The following DENND1A variants were observed in gnomAD, a reference collection of about 807,000 sequenced individuals.
DENND1A encodes DENN domain containing 1A.
A neutral mutation model predicts 113.7 loss-of-function variants in DENND1A; 51 were observed. That is an observed-to-expected ratio of 0.45 (90% confidence interval 0.36 to 0.57). DENND1A has a LOEUF of 0.57. Ranked by LOEUF, DENND1A falls within the 20% of genes least tolerant of loss-of-function variation. The pLI, the probability that DENND1A is intolerant of heterozygous loss-of-function variation, is 0.00. For synonymous variants in DENND1A, 565 were observed against 570.8 expected (o/e 0.99, Z 0.14); for missense variants, 1,258 against 1,395.9 (o/e 0.90, Z 1.57).
intron 21 of DENND1A, 135 bp downstream of exon 21, chr9:123,403,266 GA>G (rs2043644766): frequency 1.3e-6 from 1 of 791,614 alleles, no homozygotes; most frequent in Non-Finnish European, 2.1e-6. Context: ...TTCCCTGAAT[GA>G]CCCCTTTGTG....
chr9:123,629,684 G>A (rs2138581909), intron 10 of DENND1A, among the ~76,000 whole-genome samples: 1 of 152,306 alleles, frequency 6.6e-6, no homozygotes, highest in African/African-American at 2.4e-5. Context: ...ACTAAAGTCT[G>A]TTTCACTGAA....
At chr9:123,861,190 T>C (rs1176481555) in intron 2 of DENND1A, among the ~76,000 whole-genome samples, 1 of 152,178 alleles carries the variant, frequency 6.6e-6, no homozygotes, top group Non-Finnish European at 1.5e-5. Context: ...CCAGTGCTTA[T>C]AAGGCCTATT....
chr9:123,830,811 A>C (rs1475265673), intron 2 of DENND1A, among the ~76,000 whole-genome samples: 2 of 139,040 alleles, frequency 1.4e-5, no homozygotes, highest in Non-Finnish European at 3.1e-5. Flanking sequence ...GGTTGCAGCG[A>C]GCCGAGATCA....
intron 2 of DENND1A, chr9:123,843,284 T>C: frequency 2.3e-6 from 1 of 434,062 alleles, no homozygotes; most frequent in Admixed American, 3.0e-5. Context: ...TTTGAAATGC[T>C]GTATCTACCT....
chr9:123,611,194 T>C (rs2060403510), intron 10 of DENND1A, among the ~76,000 whole-genome samples: 3 of 152,362 alleles, frequency 2.0e-5, no homozygotes, highest in African/African-American at 7.2e-5. Flanking sequence ...TTCTTCTTTT[T>C]TTTAGGTATC....
At chr9:123,738,993 A>C (rs566230235) in intron 5 of DENND1A, among the ~76,000 whole-genome samples, 1 of 152,336 alleles carries the variant, frequency 6.6e-6, no homozygotes, top group East Asian at 1.9e-4. Context: ...ATACACAAAA[A>C]AGGAGCTAAA....
intron 1 of DENND1A, among the ~76,000 whole-genome samples, chr9:123,886,025 G>C (rs600328): frequency 6.6e-6 from 1 of 152,016 alleles, no homozygotes; most frequent in Non-Finnish European, 1.5e-5. Context: ...TTATCTGCCC[G>C]TCTCAGCCTC....
At chr9:123,553,408 C>CA (rs992226792) in intron 13 of DENND1A, among the ~76,000 whole-genome samples, 5 of 151,754 alleles carry the variant, frequency 3.3e-5, no homozygotes, top group Non-Finnish European at 7.4e-5. Context: ...CCGCCCCCCC[C>CA]CCGCTCCTCA....
At chr9:123,836,162 G>C (rs1472967790) in intron 2 of DENND1A, among the ~76,000 whole-genome samples, 4 of 152,158 alleles carry the variant, frequency 2.6e-5, no homozygotes, top group Non-Finnish European at 5.9e-5. Flanking sequence ...GCTGTTAGCA[G>C]ATTACAGTAG....
intron 5 of DENND1A, among the ~76,000 whole-genome samples, chr9:123,709,448 A>G (rs996238301): frequency 6.6e-6 from 1 of 152,066 alleles, no homozygotes; most frequent in African/African-American, 2.4e-5. Context: ...TTGAGTCTCT[A>G]TACTTGGCTT....
At chr9:123,418,275 T>C (rs1285515994) in intron 19 of DENND1A, among the ~76,000 whole-genome samples, 1 of 152,138 alleles carries the variant, frequency 6.6e-6, no homozygotes, top group Non-Finnish European at 1.5e-5. Context: ...ACCGAAGGCA[T>C]GATTGACACA....
chr9:123,712,624 T>A (rs1249674668), intron 5 of DENND1A, among the ~76,000 whole-genome samples: 1 of 152,220 alleles, frequency 6.6e-6, no homozygotes, highest in African/African-American at 2.4e-5. Context: ...AGGCACCAGA[T>A]GTACATATGG....
intron 6 of DENND1A, among the ~76,000 whole-genome samples, chr9:123,671,777 T>G (rs565812217): frequency 6.6e-6 from 1 of 152,310 alleles, no homozygotes; most frequent in South Asian, 2.1e-4. Context: ...TACCCTCAAT[T>G]AATTTTATTG....
At position 123,858,058 on chromosome 9, in the gene DENND1A, CA is replaced by C. The variant is rs1230079039; in HGVS notation, c.88+20892del. Among the ~76,000 whole-genome samples, 182 of 51,106 alleles carry C rather than the reference CA, an allele frequency of 3.6e-3. 1 individual carries two copies. Among genetic ancestry groups the C allele is most frequent in the Non-Finnish European group, 4.6e-3 (113 of 24,482 alleles). The allele number at this position is 51,106 out of a possible 152,430, so 33.5% of individuals were successfully genotyped here. ...TGGGCGACAGAGCGAGACTCCGTCT[CA>C]AAAAAAAAAAAAAAAAAGAAAAGAA... On this transcript the variant is annotated intron_variant, in intron 2 of 23. Transcript: ENST00000394215.
At chr9:123,675,951 C>G (rs1410095950) in intron 6 of DENND1A, among the ~76,000 whole-genome samples, 1 of 152,148 alleles carries the variant, frequency 6.6e-6, no homozygotes, top group East Asian at 1.9e-4. Context: ...CTTCTCATAA[C>G]AGTAGAAAAA....
Position 123,507,096 on chromosome 9 carries a change from C to T in DENND1A, c.994-49199G>A, listed in dbSNP as rs188462612. ...CCCAGCTACTTGGGAGGCTGAGGCA[C>T]GAGAATAGCTTGAACCTGGGAGATG... On this transcript the variant is annotated intron_variant, in intron 13 of 23. Transcript: ENST00000394215. Among the ~76,000 whole-genome samples, 16 of 151,926 alleles carry T rather than the reference C, an allele frequency of 1.1e-4. No homozygotes were observed. In the East Asian group the frequency reaches 1.8e-3, roughly 17 times the overall value.
rs182367222 is a variant in DENND1A at position 123,730,352 on chromosome 9, C to G, written c.302+27351G>C. ...CAGAATGGGAGAAAATTTTTGCAAT[C>G]TATCCATCTGACAAAGGGCTAATAT... On this transcript the variant is annotated intron_variant, in intron 5 of 23. Transcript: ENST00000394215. Among the ~76,000 whole-genome samples the G allele has an allele frequency of 1.1e-3, 167 of 152,244 alleles. 1 individual carries two copies. The highest frequency in any genetic ancestry group is 1.8e-3 in the Non-Finnish European group (123 of 68,016).
At chr9:123,616,386 G>A (rs1346079207) in intron 10 of DENND1A, among the ~76,000 whole-genome samples, 1 of 152,182 alleles carries the variant, frequency 6.6e-6, no homozygotes, top group African/African-American at 2.4e-5. Flanking sequence ...GACAAAAAAT[G>A]GTTACTGGAT....
intron 13 of DENND1A, among the ~76,000 whole-genome samples, chr9:123,539,567 G>A (rs979123833): frequency 1.3e-5 from 2 of 152,026 alleles, no homozygotes; most frequent in South Asian, 4.2e-4. Context: ...GGGATGAAAG[G>A]GGATTCTAGG....
Sources: gnomAD v4.1 joint callset for allele counts (sites outside exome capture counted in the v4.1 genomes callset) on GRCh38, gnomAD v4.1.1 for gene constraint, MANE v1.5 for transcripts, NCBI Gene and HGNC (gene_info 2026-07-23, HGNC 2026-07-21) for gene names.